Variants in CHSY3 observed in about 807,000 individuals in gnomAD.
CHSY3 encodes chondroitin sulfate synthase 3.
A neutral mutation model predicts 67.2 loss-of-function variants in CHSY3; 35 were observed. The observed-to-expected ratio is 0.52, with a 90% confidence interval of 0.40 to 0.69. The LOEUF (loss-of-function observed/expected upper bound fraction) is 0.69, where lower values mean the gene tolerates loss of function less well. CHSY3 is among the 30% of genes least tolerant of loss of function. The pLI is 0.00. For missense variants in CHSY3, 1,069 were observed against 1,138.5 expected, an observed-to-expected ratio of 0.94 and a Z score of 0.88; for synonymous variants, 474 against 434.7, an observed-to-expected ratio of 1.09 and a Z score of -1.12.
intron 2 of CHSY3, among the ~76,000 whole-genome samples, chr5:129,909,385 G>A (rs1760450165): frequency 6.6e-6 from 1 of 151,882 alleles, no homozygotes. Flanking sequence ...ATGAAAATAT[G>A]TTCCCTGTGA....
At chr5:129,932,268 G>A (rs532348040) in intron 2 of CHSY3, among the ~76,000 whole-genome samples, 5 of 151,662 alleles carry the variant, frequency 3.3e-5, no homozygotes, top group Admixed American at 3.3e-4. Context: ...GGAAATTCTA[G>A]CAGGAGTTGA....
intron 2 of CHSY3, among the ~76,000 whole-genome samples, chr5:130,088,075 C>A (rs1228464515): frequency 6.6e-6 from 1 of 152,080 alleles, no homozygotes; most frequent in Non-Finnish European, 1.5e-5. Flanking sequence ...ATATATACAA[C>A]TATCTGATCT....
intron 2 of CHSY3, among the ~76,000 whole-genome samples, chr5:130,024,926 G>A (rs974132857): frequency 6.6e-6 from 1 of 152,126 alleles, no homozygotes; most frequent in Non-Finnish European, 1.5e-5. Flanking sequence ...AGGATCAAAA[G>A]TGACAGTGGC....
At chr5:129,945,363 T>G (rs1761821180) in intron 2 of CHSY3, among the ~76,000 whole-genome samples, 1 of 152,206 alleles carries the variant, frequency 6.6e-6, no homozygotes, top group African/African-American at 2.4e-5. Context: ...ATGGCATAAC[T>G]TCTTGAAGTA....
chr5:130,063,318 G>A (rs981919091), intron 2 of CHSY3, among the ~76,000 whole-genome samples: 7 of 151,936 alleles, frequency 4.6e-5, no homozygotes, highest in Non-Finnish European at 8.8e-5. Flanking sequence ...AACTTTTGGA[G>A]CCCAACTTTC....
chr5:130,049,347 T>C (rs1202163985), intron 2 of CHSY3, among the ~76,000 whole-genome samples: 2 of 152,060 alleles, frequency 1.3e-5, no homozygotes, highest in Non-Finnish European at 2.9e-5. Context: ...TTATGTCAGC[T>C]GGGAACATGC....
At chr5:130,093,870 C>A (rs1017138859) in intron 2 of CHSY3, among the ~76,000 whole-genome samples, 7 of 152,046 alleles carry the variant, frequency 4.6e-5, no homozygotes, top group Non-Finnish European at 1.0e-4. Flanking sequence ...GTGATCAGAA[C>A]AGATTTTAAT....
intron 2 of CHSY3, among the ~76,000 whole-genome samples, chr5:130,024,959 T>A (rs1425842116): frequency 6.6e-6 from 1 of 152,112 alleles, no homozygotes; most frequent in Middle Eastern, 3.2e-3. Context: ...GAGTTCAGTT[T>A]TATTAGTCTA....
chr5:130,150,537 T>C (rs1433389240), intron 2 of CHSY3, among the ~76,000 whole-genome samples: 2 of 152,160 alleles, frequency 1.3e-5, no homozygotes, highest in Non-Finnish European at 2.9e-5. Context: ...AACCAACCAG[T>C]ATTAATTAAT....
intron 2 of CHSY3, among the ~76,000 whole-genome samples, chr5:129,946,774 G>A (rs1461068513): frequency 6.6e-6 from 1 of 152,064 alleles, no homozygotes. Context: ...CCTTTTTTAA[G>A]GCTAAATAAC....
intron 2 of CHSY3, among the ~76,000 whole-genome samples, chr5:130,078,741 CAG>C (rs1766351973): frequency 6.6e-6 from 1 of 152,130 alleles, no homozygotes; most frequent in Admixed American, 6.6e-5. Flanking sequence ...TTCATCAAAG[CAG>C]ACCTTATTCT....
intron 2 of CHSY3, among the ~76,000 whole-genome samples, chr5:129,929,705 A>T (rs1761235681): frequency 6.6e-6 from 1 of 152,144 alleles, no homozygotes; most frequent in East Asian, 1.9e-4. Context: ...TTGCTCCAGG[A>T]ATTTTTAACA....
At chr5:130,091,794 C>T (rs1400959924) in intron 2 of CHSY3, among the ~76,000 whole-genome samples, 1 of 152,086 alleles carries the variant, frequency 6.6e-6, no homozygotes, top group Non-Finnish European at 1.5e-5. Context: ...GGAAAATTTC[C>T]AAAAATCTCA....
rs1481615536 is a variant in CHSY3, at chr5:130,119,186, G to T, written c.1087-65043G>T. Among the ~76,000 whole-genome samples, 7 of 152,148 alleles carry T rather than the reference G, an allele frequency of 4.6e-5. 1 individual carries two copies. The highest frequency in any genetic ancestry group is 4.6e-4 in the Admixed American group (7 of 15,280). On this transcript the variant is annotated intron_variant, in intron 2 of 2. Transcript: ENST00000305031. Reference sequence around the variant, plus strand: ...GAGGATATATAGTAGGCCCGAGGTTGCATTTAGAAAGTAGATATCCAGAAC... The same window carrying T: ...GAGGATATATAGTAGGCCCGAGGTTTCATTTAGAAAGTAGATATCCAGAAC...
At chr5:129,990,898 G>C (rs1036740264) in intron 2 of CHSY3, among the ~76,000 whole-genome samples, 4 of 152,068 alleles carry the variant, frequency 2.6e-5, no homozygotes, top group Non-Finnish European at 5.9e-5. Context: ...GGACACCCAG[G>C]GGGTTGTGAA....
chr5:129,958,165 T>C (rs1762231972), intron 2 of CHSY3, among the ~76,000 whole-genome samples: 1 of 152,158 alleles, frequency 6.6e-6, no homozygotes, highest in Admixed American at 6.6e-5. Context: ...ATTAGAGTGT[T>C]ATTAGTTTGT....
chr5:130,143,810 GTATATATATA>G lies in CHSY3; in HGVS notation c.1087-40391_1087-40382del, dbSNP rs61284287. Among the ~76,000 whole-genome samples, 108 of 56,480 alleles carry G rather than the reference GTATATATATA, an allele frequency of 1.9e-3. 2 individuals are homozygous for G. Among genetic ancestry groups the G allele is most frequent in the African/African-American group, 3.4e-3 (47 of 13,634 alleles). 37.1% of individuals were successfully genotyped at this position (56,480 alleles called of 152,430 possible). ...TATATATATATATATATATATGTGT[GTATATATATA>G]TATATATATATATATATATATATAT... On this transcript the variant is annotated intron_variant, in intron 2 of 2. Transcript: ENST00000305031.
chr5:129,981,788 G>A (rs1006359018), intron 2 of CHSY3, among the ~76,000 whole-genome samples: 9 of 152,164 alleles, frequency 5.9e-5, no homozygotes, highest in Non-Finnish European at 1.3e-4. Flanking sequence ...AGCTTAGTGG[G>A]AAAGCTTTGA....
chr5:130,142,435 G>A (rs1768896219), intron 2 of CHSY3, among the ~76,000 whole-genome samples: 1 of 152,064 alleles, frequency 6.6e-6, no homozygotes, highest in African/African-American at 2.4e-5. Flanking sequence ...TTTCCAACTG[G>A]AAAACTGAAA....
Sources: gnomAD v4.1 joint callset for allele counts (sites outside exome capture counted in the v4.1 genomes callset) on GRCh38, gnomAD v4.1.1 for gene constraint, MANE v1.5 for transcripts, NCBI Gene and HGNC (gene_info 2026-07-23, HGNC 2026-07-21) for gene names.